COL24A1: variants seen among roughly 807,000 people sequenced by gnomAD.
The protein encoded by COL24A1 is collagen alpha-1(XXIV) chain.
Under a neutral mutation model 253.9 loss-of-function variants are expected in COL24A1, and 224 were observed. That is an observed-to-expected ratio of 0.88 (90% CI 0.79 to 0.99). The LOEUF is 0.99. Among genes scored for constraint, COL24A1 ranks in the 50% least tolerant of loss-of-function variants. The pLI is 0.00. For missense variants in COL24A1, 2,131 were observed against 2,068.5 expected, an observed-to-expected ratio of 1.03 and a Z score of -0.59; for synonymous variants, 685 against 673.7, an observed-to-expected ratio of 1.02 and a Z score of -0.26.
chr1:86,012,590 A>T (rs2101163388), intron 19 of COL24A1, among the ~76,000 whole-genome samples: 1 of 146,872 alleles, frequency 6.8e-6, no homozygotes, highest in African/African-American at 2.6e-5. Flanking sequence ...CTCTGTCTCA[A>T]AAAATAAAAT....
intron 14 of COL24A1, chr1:86,030,710 A>G (rs150349210): frequency 0.024 from 3,706 of 151,800 alleles, 53 homozygotes; most frequent in Middle Eastern, 0.066. Context: ...CAGAGCTGCC[A>G]TGCTGCCACA....
intron 9 of COL24A1, among the ~76,000 whole-genome samples, chr1:86,058,310 G>A (rs918546449): frequency 1.3e-5 from 2 of 151,252 alleles, no homozygotes; most frequent in Non-Finnish European, 3.0e-5. Context: ...TAAAAGATAG[G>A]CCCATAAATT....
intron 2 of COL24A1, among the ~76,000 whole-genome samples, chr1:86,134,972 G>T (rs1216726345): frequency 4.6e-5 from 7 of 151,398 alleles, no homozygotes; most frequent in South Asian, 2.1e-4. Flanking sequence ...CATTATTATT[G>T]TGTGGGAGTC....
At chr1:85,775,223 GT>G (rs1236180280) in intron 53 of COL24A1, among the ~76,000 whole-genome samples, 1 of 152,158 alleles carries the variant, frequency 6.6e-6, no homozygotes, top group African/African-American at 2.4e-5. Flanking sequence ...TGATTGCAGT[GT>G]TGTCTGAGAG....
chr1:86,063,715 T>C lies in COL24A1; in HGVS notation c.1752A>G (p.Gln584=). 2 of 1,548,948 alleles carry C rather than the reference T, an allele frequency of 1.3e-6. No individual in the cohort carries two copies. The highest frequency in any genetic ancestry group is 1.7e-6 in the Non-Finnish European group (2 of 1,145,760). The change falls in exon 8 of 60, where the codon CAA becomes CAG. Residue 584 remains glutamine, a splice_region_variant and synonymous_variant. Transcript: ENST00000370571. The part of the protein sequence containing the change: ...HPGLPGLPGE[Q]GIPGFAGNIG... ...CAAGTCTTATAAAGGAAGTACCTAC[T>C]TGTTCACCTGGAAGTCCTGGGAGTC...
intron 1 of COL24A1, chr1:86,155,817 AC>A: frequency 1.3e-5 from 2 of 153,212 alleles, no homozygotes; most frequent in Non-Finnish European, 2.9e-5. Context: ...TTCTGCAGCC[AC>A]CCCCTTCCCC....
chr1:86,005,365 TA>T (rs1334895922), intron 19 of COL24A1, among the ~76,000 whole-genome samples: 2 of 147,232 alleles, frequency 1.4e-5, no homozygotes, highest in African/African-American at 2.5e-5. Context: ...GTAAGCTCCA[TA>T]AAGTAAAAAA....
chr1:85,959,454 G>C (rs1690799049), intron 24 of COL24A1, among the ~76,000 whole-genome samples: 1 of 152,122 alleles, frequency 6.6e-6, no homozygotes, highest in African/African-American at 2.4e-5. Flanking sequence ...ATAATGCAAA[G>C]ATTTGGATTT....
intron 47 of COL24A1, among the ~76,000 whole-genome samples, chr1:85,803,637 C>A (rs1671669728): frequency 1.3e-5 from 2 of 151,666 alleles, no homozygotes; most frequent in African/African-American, 4.8e-5. Flanking sequence ...TCTGATACTA[C>A]TGAAATAATA....
chr1:85,795,154 C>T (rs1414692648), intron 47 of COL24A1, among the ~76,000 whole-genome samples: 1 of 152,168 alleles, frequency 6.6e-6, no homozygotes, highest in Non-Finnish European at 1.5e-5. Context: ...GAAGGCATTG[C>T]TTTTCACTTT....
intron 47 of COL24A1, among the ~76,000 whole-genome samples, chr1:85,790,897 A>C (rs1045692577): frequency 6.6e-6 from 1 of 152,160 alleles, no homozygotes; most frequent in Non-Finnish European, 1.5e-5. Context: ...CAGTCAGAAA[A>C]ATTGGAAAAT....
chr1:85,808,327 G>A (rs1004824732), intron 47 of COL24A1, among the ~76,000 whole-genome samples: 40 of 152,208 alleles, frequency 2.6e-4, no homozygotes, highest in African/African-American at 8.4e-4. Context: ...AAGTGGTAGT[G>A]TATTACAAAC....
chr1:86,009,959 T>G (rs533068774), intron 19 of COL24A1, among the ~76,000 whole-genome samples: 2 of 149,420 alleles, frequency 1.3e-5, no homozygotes, highest in African/African-American at 5.0e-5. Context: ...ACTATGATAC[T>G]GAAGCAAAGA....
chr1:86,007,247 C>T (rs1048286105), intron 19 of COL24A1, among the ~76,000 whole-genome samples: 2 of 151,992 alleles, frequency 1.3e-5, no homozygotes, highest in African/African-American at 4.8e-5. Context: ...CCCACCACCA[C>T]CACCACCACC....
chr1:85,817,008 GA>G, intron 46 of COL24A1, 113 bp from the exon 47 acceptor site: 1 of 775,828 alleles, frequency 1.3e-6, no homozygotes, highest in Non-Finnish European at 2.0e-6. Flanking sequence ...TTTGTTCTAG[GA>G]CAAATTTTCC....
chr1:85,860,875 A>G (rs529473051), intron 37 of COL24A1, among the ~76,000 whole-genome samples: 2 of 152,346 alleles, frequency 1.3e-5, no homozygotes, highest in South Asian at 4.1e-4. Flanking sequence ...TTTATTGTCA[A>G]ATAATATTTC....
chr1:86,092,419 T>C (rs1703567755), intron 5 of COL24A1, 99 bp from the exon 6 acceptor site: 1 of 758,520 alleles, frequency 1.3e-6, no homozygotes, highest in African/African-American at 1.9e-5. Context: ...ATACATTATA[T>C]GGTGTTAAAT....
intron 24 of COL24A1, among the ~76,000 whole-genome samples, chr1:85,925,862 A>G (rs890689909): frequency 2.6e-5 from 4 of 152,232 alleles, no homozygotes; most frequent in Non-Finnish European, 4.4e-5. Flanking sequence ...ACAGAAAAAG[A>G]AACTACCATC....
intron 1 of COL24A1, 70 bp from the exon 2 acceptor site, chr1:86,146,253 C>T: frequency 8.5e-7 from 1 of 1,171,586 alleles, no homozygotes; most frequent in Non-Finnish European, 1.3e-6. Flanking sequence ...GAATCCAAAA[C>T]AGTCTATGCA....
Sources: gnomAD v4.1 joint callset for allele counts (sites outside exome capture counted in the v4.1 genomes callset) on GRCh38, gnomAD v4.1.1 for gene constraint, MANE v1.5 for transcripts, NCBI Gene and HGNC (gene_info 2026-07-23, HGNC 2026-07-21) for gene names.